The following NLRP14 variants were observed in gnomAD, a reference collection of about 807,000 sequenced individuals.
NLRP14 encodes the protein NACHT, LRR and PYD domains-containing protein 14.
NLRP14 carries 105 observed loss-of-function variants against 94.7 expected under a neutral mutation model. The ratio of observed to expected loss-of-function variants is 1.11; its 90% CI spans 0.95 to 1.30. The LOEUF is 1.30. Among genes scored for constraint, NLRP14 ranks in the 50% most tolerant of loss-of-function variants. The pLI is 0.00. For synonymous variants in NLRP14, 508 were observed against 459.9 expected (o/e 1.10, Z -1.34); for missense variants, 1,362 against 1,254.1 (o/e 1.09, Z -1.30).
At chr11:7,089,206 G>A in the NLRP14 span, 1 of 1,613,776 alleles carries the variant, frequency 6.2e-7, no homozygotes, top group Non-Finnish European at 8.5e-7. Context: ...GCCGAGTTTG[G>A]CAAGTATGGC....
At chr11:7,029,381 G>A (rs922669817) in intron 1 of NLRP14, among the ~76,000 whole-genome samples, 10 of 152,064 alleles carry the variant, frequency 6.6e-5, no homozygotes, top group Non-Finnish European at 8.8e-5. Flanking sequence ...TCACTTTCAC[G>A]AGGCATTGCA....
chr11:7,038,898 C>A (rs183315820), intron 2 of NLRP14, 23 bp downstream of exon 2: 4 of 1,610,610 alleles, frequency 2.5e-6, no homozygotes, highest in South Asian at 2.2e-5. Context: ...AGGGGCAAAT[C>A]GGGGGCTAGG....
intron 1 of NLRP14, among the ~76,000 whole-genome samples, chr11:7,033,706 C>G (rs1019703862): frequency 6.6e-6 from 1 of 152,162 alleles, no homozygotes; most frequent in African/African-American, 2.4e-5. Flanking sequence ...ATTCTAAGGA[C>G]AAGAGGTTTT....
chr11:7,072,321 C>A (rs1852812903), downstream of NLRP14, among the ~76,000 whole-genome samples: 1 of 152,230 alleles, frequency 6.6e-6, no homozygotes. Context: ...GAGCCAGACC[C>A]CTTTTCCTGT....
chr11:7,076,829 T>G, the NLRP14 span, among the ~76,000 whole-genome samples: 1 of 152,244 alleles, frequency 6.6e-6, no homozygotes, highest in Non-Finnish European at 1.5e-5. Flanking sequence ...GCACAGTGTC[T>G]TCTTGCACAT....
Position 7,042,657 on chromosome 11 carries a change from A to C in NLRP14, c.631A>C (p.Lys211Gln). 1 of 1,614,234 alleles carries C rather than the reference A, an allele frequency of 6.2e-7. No homozygotes were observed. The highest frequency in any genetic ancestry group is 1.6e-4 in the Middle Eastern group (1 of 6,062). The change falls in exon 4 of 12, where the codon AAG (lysine) becomes CAG (glutamine). Residue 211 changes from lysine to glutamine, a missense_variant. Physicochemically the swap from Lys to Gln is moderately conservative, Grantham distance 53. Transcript: ENST00000299481. ...AEGSLYQQRF[K>Q]YVFYLNGREI... Reference sequence around the variant, plus strand: ...GGGCAGTCTCTACCAGCAGAGGTTTAAGTATGTTTTTTATCTCAATGGGAG... The same window carrying C: ...GGGCAGTCTCTACCAGCAGAGGTTTCAGTATGTTTTTTATCTCAATGGGAG...
At chr11:7,079,125 C>T in the NLRP14 span, among the ~76,000 whole-genome samples, 1 of 152,234 alleles carries the variant, frequency 6.6e-6, no homozygotes, top group Non-Finnish European at 1.5e-5. Context: ...TAGCCCTGTG[C>T]AGATTTTCTG....
In NLRP14 at chr11:7,049,926, T is replaced by G. The variant is rs561192514; in HGVS notation, c.2291+88T>G. 127 of 1,121,754 alleles carry G rather than the reference T, an allele frequency of 1.1e-4. No individual in the cohort carries two copies. The South Asian group carries it at 1.5e-3, about 13-fold the overall frequency. The allele number at this position is 1,121,754 out of a possible 1,614,324, so 69.5% of individuals were successfully genotyped here. A position where few individuals can be genotyped will look rare whatever the true frequency, so the allele number is the denominator to read the frequency against. ...AGACTCTTACAGCCTGGATTTGCTATTCATAGGACCGGCTTAAATCTACTT... is the reference window on the plus strand; with the variant it reads ...AGACTCTTACAGCCTGGATTTGCTAGTCATAGGACCGGCTTAAATCTACTT... On this transcript the variant is annotated intron_variant, in intron 6 of 11. Coordinates refer to ENST00000299481, the MANE Select transcript of NLRP14 (RefSeq NM_176822.4).
chr11:7,043,941 T>A lies in NLRP14; in HGVS notation c.1915T>A (p.Phe639Ile). 2 of 1,614,152 alleles carry A rather than the reference T, an allele frequency of 1.2e-6. No homozygotes were observed. The highest frequency in any genetic ancestry group is 1.7e-6 in the Non-Finnish European group (2 of 1,180,002). The change falls in exon 4 of 12, where the codon TTT (phenylalanine) becomes ATT (isoleucine). Residue 639 changes from phenylalanine (F) to isoleucine (I), a missense_variant. By Grantham distance (21) the Phe-to-Ile change is conservative (BLOSUM62 0). Transcript: ENST00000299481. ...CATCAGGCTGTCTGTAACTGTGGTA[T>A]TTGAGAAGAAGATATTAAAAACAAG... Reference protein sequence around the residue: ...RTIRLSVTVVFEKKILKTSLP... With the variant: ...RTIRLSVTVVIEKKILKTSLP...
chr11:7,089,079 AC>A, the NLRP14 span: 2 of 1,593,590 alleles, frequency 1.3e-6, no homozygotes, highest in South Asian at 2.3e-5. Context: ...GCGCCGCCTC[AC>A]CGCCTCCCAC....
At position 7,071,380 on chromosome 11, in the gene NLRP14, G is replaced by T; in HGVS notation, c.*72G>T. ...CATACATAGATATATACCCAGACTTGGGTGCTTAGCTTCAGATACTCTATG... is the reference window on the plus strand; with the variant it reads ...CATACATAGATATATACCCAGACTTTGGTGCTTAGCTTCAGATACTCTATG... On this transcript the variant is annotated 3_prime_UTR_variant, in exon 12 of 12. Coordinates refer to ENST00000299481, the MANE Select transcript of NLRP14 (RefSeq NM_176822.4). 1 of 1,327,138 alleles carries T rather than the reference G, an allele frequency of 7.5e-7. No individual in the cohort carries two copies. The highest frequency in any genetic ancestry group is 1.1e-6 in the Non-Finnish European group (1 of 946,026). The allele number at this position is 1,327,138 out of a possible 1,614,324, so 82.2% of individuals were successfully genotyped here.
At chr11:7,062,148 G>A (rs1852631397) in intron 9 of NLRP14, among the ~76,000 whole-genome samples, 185 bp from the exon 10 acceptor site, 1 of 151,938 alleles carries the variant, frequency 6.6e-6, no homozygotes, top group African/African-American at 2.4e-5. Flanking sequence ...TTACCTGCTG[G>A]TTTATTCTGC....
chr11:7,045,874 T>C (rs1589863719), intron 4 of NLRP14, among the ~76,000 whole-genome samples: 2 of 152,184 alleles, frequency 1.3e-5, no homozygotes, highest in South Asian at 2.1e-4. Flanking sequence ...AAAAAATAGA[T>C]ACTATTATCT....
the NLRP14 span, chr11:7,089,519 C>CGCG: frequency 8.2e-7 from 1 of 1,223,396 alleles, no homozygotes; most frequent in Non-Finnish European, 1.0e-6. Flanking sequence ...ACGGCGGCTA[C>CGCG]ACGGCGGATT....
chr11:7,084,339 C>T, the NLRP14 span, among the ~76,000 whole-genome samples: 1 of 152,082 alleles, frequency 6.6e-6, no homozygotes, highest in Non-Finnish European at 1.5e-5. Flanking sequence ...TTTGGAACTT[C>T]CTGGGAGATA....
Position 7,059,954 on chromosome 11 carries a change from C to T in NLRP14, c.2694C>T (p.His898=). ...SSEYLSTSLL[H]NKSLTHLDLG... is the part of the protein sequence containing the mutation. The stretch of plus-strand genomic sequence containing the variant: ...AATATCTGTCAACTTCTCTTCTACA[C>T]AACAAGAGCCTGACGCATCTGGATC... Residue 898 remains histidine, a synonymous_variant, in exon 9 of 12, where the codon CAC becomes CAT. Transcript: ENST00000299481. The T allele has an allele frequency of 6.2e-7, 1 of 1,612,360 alleles. No individual in the cohort carries two copies. Among genetic ancestry groups the T allele is most frequent in the South Asian group, 1.1e-5 (1 of 91,056 alleles).
At chr11:7,055,367 TTA>T (rs1363167259) in intron 6 of NLRP14, among the ~76,000 whole-genome samples, 1 of 152,094 alleles carries the variant, frequency 6.6e-6, no homozygotes, top group Non-Finnish European at 1.5e-5. Flanking sequence ...AACTCTCCTG[TTA>T]TCTCTCAATT....
intron 1 of NLRP14, among the ~76,000 whole-genome samples, chr11:7,028,442 G>T (rs1017966170): frequency 2.0e-5 from 3 of 152,032 alleles, no homozygotes; most frequent in African/African-American, 7.2e-5. Context: ...CTCTCATCTG[G>T]ATTATTATAA....
intron 1 of NLRP14, among the ~76,000 whole-genome samples, chr11:7,024,992 A>G (rs1417736826): frequency 6.6e-6 from 1 of 152,094 alleles, no homozygotes; most frequent in Non-Finnish European, 1.5e-5. Context: ...AGAAAAAAAG[A>G]AAGAGGAGTT....
Sources: gnomAD v4.1 joint callset for allele counts (sites outside exome capture counted in the v4.1 genomes callset) on GRCh38, gnomAD v4.1.1 for gene constraint, MANE v1.5 for transcripts, NCBI Gene and HGNC (gene_info 2026-07-23, HGNC 2026-07-21) for gene names.